The following TNNI3K variants were observed in gnomAD, a reference collection of about 807,000 sequenced individuals.
TNNI3K encodes the protein serine/threonine-protein kinase TNNI3K.
Under a neutral mutation model 114.5 loss-of-function variants are expected in TNNI3K, and 140 were observed. The observed-to-expected ratio is 1.22, with a 90% CI of 1.07 to 1.41. TNNI3K has a LOEUF of 1.41. TNNI3K is among the 40% of genes most tolerant of loss of function. The pLI, the probability that TNNI3K is intolerant of heterozygous loss-of-function variation, is 0.00. For synonymous variants in TNNI3K, 347 were observed against 347.5 expected, an observed-to-expected ratio of 1.00 and a Z score of 0.02; for missense variants, 1,125 against 1,007.6, an observed-to-expected ratio of 1.12 and a Z score of -1.58.
chr1:74,471,574 C>G (rs759457091), intron 21 of TNNI3K: 5 of 400,522 alleles, frequency 1.2e-5, no homozygotes, highest in Non-Finnish European at 2.2e-5. Context: ...GTTTCTCTCC[C>G]CAGTGTTGCT....
At chr1:74,298,250 C>G (rs1234792191) in intron 5 of TNNI3K, among the ~76,000 whole-genome samples, 1 of 152,156 alleles carries the variant, frequency 6.6e-6, no homozygotes, top group Non-Finnish European at 1.5e-5. Flanking sequence ...TAGAGGCACA[C>G]AACATGTAAC....
chr1:74,420,684 G>A (rs1426168026), intron 17 of TNNI3K, among the ~76,000 whole-genome samples: 4 of 152,094 alleles, frequency 2.6e-5, no homozygotes, highest in African/African-American at 9.7e-5. Flanking sequence ...ACAAGGCAAC[G>A]TTGACATTAA....
At chr1:74,377,563 A>T (rs1002925236) in intron 17 of TNNI3K, among the ~76,000 whole-genome samples, 1 of 152,086 alleles carries the variant, frequency 6.6e-6, no homozygotes, top group Non-Finnish European at 1.5e-5. Flanking sequence ...ATAATACAGA[A>T]TTATATGTAA....
At chr1:74,407,987 G>A (rs186763512) in intron 17 of TNNI3K, among the ~76,000 whole-genome samples, 1 of 151,982 alleles carries the variant, frequency 6.6e-6, no homozygotes, top group Non-Finnish European at 1.5e-5. Flanking sequence ...TCATGAATTT[G>A]ACCTACTATT....
intron 23 of TNNI3K, among the ~76,000 whole-genome samples, chr1:74,505,504 C>T (rs1422799019): frequency 1.3e-5 from 2 of 152,158 alleles, no homozygotes; most frequent in South Asian, 2.1e-4. Flanking sequence ...TCTGAAGCAG[C>T]TCTTACAATG....
chr1:74,488,802 TAGC>T (rs972268831), intron 21 of TNNI3K, among the ~76,000 whole-genome samples: 1 of 152,216 alleles, frequency 6.6e-6, no homozygotes, highest in African/African-American at 2.4e-5. Flanking sequence ...AATCTAGCCT[TAGC>T]AGTTCTTTTT....
chr1:74,502,870 A>G (rs1013557200), intron 23 of TNNI3K, among the ~76,000 whole-genome samples: 2 of 151,256 alleles, frequency 1.3e-5, no homozygotes, highest in African/African-American at 4.9e-5. Flanking sequence ...TCTTCAAAAC[A>G]GCCTCTCCCA....
chr1:74,478,823 G>A (rs567866114), intron 21 of TNNI3K, among the ~76,000 whole-genome samples: 182 of 152,222 alleles, frequency 1.2e-3, no homozygotes, highest in Non-Finnish European at 1.8e-3. Flanking sequence ...GCACATTTAA[G>A]GGAAACCTCT....
In TNNI3K at chr1:74,543,798, G is replaced by T. The variant is rs139471425; in HGVS notation, c.2432-108G>T. On this transcript the variant is annotated intron_variant, in intron 24 of 24. Coordinates refer to ENST00000326637, the MANE Select transcript of TNNI3K (RefSeq NM_015978.3). ...CTCACCAGCAACCGTTGTCCAGATT[G>T]TCTGTTCACATGATCTGGAAGACCT... 2.4e-4 allele frequency: 296 copies of T among 1,222,970 alleles called. No individual in the cohort carries two copies. In the African/African-American group the frequency reaches 3.7e-3, roughly 15 times the overall value. The allele number at this position is 1,222,970 out of a possible 1,614,324, so 75.8% of individuals were successfully genotyped here.
At chr1:74,526,400 TTGAGTATAAAGTAG>T (rs1248006810) in intron 23 of TNNI3K, among the ~76,000 whole-genome samples, 1 of 152,126 alleles carries the variant, frequency 6.6e-6, no homozygotes, top group Non-Finnish European at 1.5e-5. Flanking sequence ...CCAGTGGCCA[TTGAGTATAAAGTAG>T]TGATTAAAAG....
At chr1:74,239,810 G>T (rs41289182) in intron 2 of TNNI3K, 35,544 of 384,124 alleles carry the variant, frequency 0.093, 1,798 homozygotes, top group Non-Finnish European at 0.099. Context: ...AAGACAGAAA[G>T]AGCTAAATAG....
At chr1:74,296,289 A>T (rs1369449117) in intron 5 of TNNI3K, among the ~76,000 whole-genome samples, 3 of 151,750 alleles carry the variant, frequency 2.0e-5, no homozygotes, top group Admixed American at 2.0e-4. Context: ...AAAAAAAAAA[A>T]TCTGATATAA....
At chr1:74,441,307 AT>A (rs1666365519) in intron 20 of TNNI3K, among the ~76,000 whole-genome samples, 4 of 152,116 alleles carry the variant, frequency 2.6e-5, no homozygotes, top group African/African-American at 7.2e-5. Flanking sequence ...AAGCTTACTT[AT>A]ATACCAATGT....
At chr1:74,424,904 G>A (rs1257040154) in intron 17 of TNNI3K, among the ~76,000 whole-genome samples, 1 of 151,962 alleles carries the variant, frequency 6.6e-6, no homozygotes, top group Non-Finnish European at 1.5e-5. Context: ...TAATCCACCT[G>A]GAGAAATATG....
intron 21 of TNNI3K, among the ~76,000 whole-genome samples, chr1:74,476,274 C>T (rs967354329): frequency 2.6e-5 from 4 of 152,000 alleles, no homozygotes; most frequent in Non-Finnish European, 2.9e-5. Context: ...ACCCATGTGC[C>T]GACTCTAACC....
At chr1:74,307,087 T>A (rs1658689160) in intron 5 of TNNI3K, among the ~76,000 whole-genome samples, 1 of 152,150 alleles carries the variant, frequency 6.6e-6, no homozygotes, top group African/African-American at 2.4e-5. Flanking sequence ...GGCTAGCCAG[T>A]TTTTCCAGCA....
At chr1:74,433,728 A>T (rs1410506609) in intron 17 of TNNI3K, among the ~76,000 whole-genome samples, 1 of 152,028 alleles carries the variant, frequency 6.6e-6, no homozygotes, top group African/African-American at 2.4e-5. Context: ...TGTGACCTCA[A>T]TGTGATAAAT....
intron 4 of TNNI3K, among the ~76,000 whole-genome samples, chr1:74,260,275 T>A (rs1019511308): frequency 1.3e-5 from 2 of 152,196 alleles, no homozygotes; most frequent in Non-Finnish European, 2.9e-5. Context: ...TTTTCTTTGA[T>A]TCCTCAGTAT....
chr1:74,483,905 G>A (rs1057175267), intron 21 of TNNI3K, among the ~76,000 whole-genome samples: 1 of 152,136 alleles, frequency 6.6e-6, no homozygotes, highest in Non-Finnish European at 1.5e-5. Flanking sequence ...CCTAGGGAGT[G>A]AGTATGATGT....
Sources: allele counts gnomAD v4.1 joint callset (sites outside exome capture counted in the v4.1 genomes callset), GRCh38; gene constraint gnomAD v4.1.1; transcripts MANE v1.5; gene names NCBI Gene and HGNC (gene_info 2026-07-23, HGNC 2026-07-21).